The following SOS1 variants were observed in gnomAD, a reference collection of about 807,000 sequenced individuals.
SOS1 encodes the protein son of sevenless homolog 1.
A neutral mutation model predicts 157.6 loss-of-function variants in SOS1; 25 were observed. The observed-to-expected ratio is 0.16, with a 90% CI of 0.12 to 0.22. The LOEUF (loss-of-function observed/expected upper bound fraction) is 0.22. SOS1 is among the 10% of genes least tolerant of loss of function. SOS1 has a pLI of 1.00. For missense variants in SOS1, 1,237 were observed against 1,599.1 expected (o/e 0.77, Z 3.86); for synonymous variants, 528 against 534.0 (o/e 0.99, Z 0.16).
intron 6 of SOS1, among the ~76,000 whole-genome samples, chr2:39,042,997 T>C (rs1350293949): frequency 6.6e-6 from 1 of 152,190 alleles, no homozygotes; most frequent in Non-Finnish European, 1.5e-5. Flanking sequence ...GTCTTGTCTA[T>C]TCCTTTTCTG....
chr2:38,985,877 G>C lies in SOS1; in HGVS notation c.3949C>G (p.Pro1317Ala), dbSNP rs2124454114. ...PKTYKREHTH[P>A]SMHRDGPPLL... ...GGTGGTCCATCTCTGTGCATGGATG[G>C]GTGTGTGTGCTCCCTTTTGTAAGTT... Residue 1317 changes from proline to alanine, a missense_variant, in exon 23 of 23, where the codon CCA becomes GCA. Transcript: ENST00000402219. 2.5e-6 allele frequency: 4 copies of C among 1,613,852 alleles called. No homozygotes were observed. The highest frequency in any genetic ancestry group is 3.4e-6 in the Non-Finnish European group (4 of 1,179,842).
chr2:39,105,867 T>G (rs984980646), intron 1 of SOS1, among the ~76,000 whole-genome samples: 1 of 152,022 alleles, frequency 6.6e-6, no homozygotes, highest in African/African-American at 2.4e-5. Context: ...ACCATTGCAC[T>G]TCAGCCTGGG....
At chr2:39,014,621 A>G (rs935605809) in intron 11 of SOS1, 144 bp downstream of exon 11, 1 of 473,496 alleles carries the variant, frequency 2.1e-6, no homozygotes, top group South Asian at 4.5e-5. Context: ...TATAAAATAA[A>G]TGTTCATCTA....
intron 6 of SOS1, among the ~76,000 whole-genome samples, chr2:39,045,471 A>C (rs1670746667): frequency 6.6e-6 from 1 of 152,126 alleles, no homozygotes; most frequent in African/African-American, 2.4e-5. Context: ...TCAGGTGCAT[A>C]CACATTAATG....
At chr2:39,051,547 G>C (rs182426657) in intron 5 of SOS1, among the ~76,000 whole-genome samples, 1 of 152,178 alleles carries the variant, frequency 6.6e-6, no homozygotes, top group East Asian at 1.9e-4. Flanking sequence ...AAAAATTATT[G>C]AAGATTCTAA....
Position 39,033,221 on chromosome 2 carries a change from GA to G in SOS1, c.1074+1990del, listed in dbSNP as rs11383706. Among the ~76,000 whole-genome samples the G allele has an allele frequency of 9.6e-5, 12 of 124,418 alleles. No homozygotes were observed. In the East Asian group the frequency reaches 1.4e-3, roughly 15 times the overall value. 81.6% of individuals were successfully genotyped at this position (124,418 alleles called of 152,430 possible). On this transcript the variant is annotated intron_variant, in intron 8 of 22. Transcript: ENST00000402219. ...GAGTATCTGGGATTATAGGTGTGCA[GA>G]AAAAAAAAAAAAAAAAGTGATGAGA...
At chr2:39,016,286 C>T (rs1163019356) in intron 10 of SOS1, among the ~76,000 whole-genome samples, 1 of 151,970 alleles carries the variant, frequency 6.6e-6, no homozygotes, top group African/African-American at 2.4e-5. Context: ...TTAAATGTCC[C>T]CTTCTCCGTT....
chr2:38,995,471 G>T, intron 19 of SOS1, 84 bp from the exon 20 acceptor site: 2 of 1,038,016 alleles, frequency 1.9e-6, no homozygotes, highest in Non-Finnish European at 3.0e-6. Context: ...GTAAAATTCA[G>T]CTAATATACA....
intron 1 of SOS1, among the ~76,000 whole-genome samples, chr2:39,115,646 T>C (rs1229504160): frequency 1.3e-5 from 2 of 152,016 alleles, no homozygotes; most frequent in African/African-American, 4.8e-5. Flanking sequence ...TTATGTTGCC[T>C]AGGCTGGCCT....
intron 5 of SOS1, chr2:39,051,494 G>C (rs967900906): frequency 5.7e-6 from 3 of 525,000 alleles, no homozygotes; most frequent in Non-Finnish European, 1.0e-5. Context: ...CTCTAGGTCA[G>C]TGGTCTTGTA....
rs1668556845 is a variant in SOS1 at position 38,986,232 on chromosome 2, T to C, written c.3594A>G (p.Ile1198Met). 2 of 1,613,758 alleles carry C rather than the reference T, an allele frequency of 1.2e-6. No individual in the cohort carries two copies. The highest frequency in any genetic ancestry group is 1.7e-6 in the Non-Finnish European group (2 of 1,179,892). ...TSKAYSPRYS[I>M]SDRTSISDPP... Reference sequence around the variant, plus strand: ...GGTCTGAGATAGAGGTCCGGTCTGATATTGAATATCGTGGTGAATAGGCTT... The same window carrying C: ...GGTCTGAGATAGAGGTCCGGTCTGACATTGAATATCGTGGTGAATAGGCTT... The change falls in exon 23 of 23, where the codon ATA (isoleucine) becomes ATG (methionine). Residue 1198 changes from isoleucine to methionine, a missense_variant. Physicochemically the swap from Ile to Met is conservative, Grantham distance 10. This residue lies in a region of SOS1 where 306 missense variants were observed against 322.6 expected (regional missense o/e 0.95). Coordinates refer to ENST00000402219, the MANE Select transcript of SOS1 (RefSeq NM_005633.4).
chr2:39,065,005 G>C (rs1046340114), intron 2 of SOS1, among the ~76,000 whole-genome samples: 1 of 151,488 alleles, frequency 6.6e-6, no homozygotes, highest in African/African-American at 2.4e-5. Flanking sequence ...TTATCCGCCT[G>C]CTTTGGCCTT....
intron 1 of SOS1, among the ~76,000 whole-genome samples, chr2:39,078,698 G>GT (rs1464530064): frequency 6.6e-6 from 1 of 152,128 alleles, no homozygotes; most frequent in Non-Finnish European, 1.5e-5. Context: ...AGGTGAAAGA[G>GT]TTTTATCCCC....
At chr2:39,093,616 C>T (rs1343639893) in intron 1 of SOS1, among the ~76,000 whole-genome samples, 1 of 152,126 alleles carries the variant, frequency 6.6e-6, no homozygotes, top group African/African-American at 2.4e-5. Context: ...AGCACAGAAG[C>T]CCAGAGACAC....
intron 2 of SOS1, among the ~76,000 whole-genome samples, chr2:39,064,177 T>G (rs990138098): frequency 1.3e-5 from 2 of 152,292 alleles, no homozygotes; most frequent in East Asian, 1.9e-4. Flanking sequence ...AAACTGTACA[T>G]GTATATCATG....
intron 8 of SOS1, among the ~76,000 whole-genome samples, chr2:39,032,718 T>A (rs990417530): frequency 1.3e-5 from 2 of 152,170 alleles, no homozygotes; most frequent in Non-Finnish European, 2.9e-5. Flanking sequence ...CCTAGCACTT[T>A]TGGGAGGCTG....
chr2:39,110,047 T>C lies in SOS1; in HGVS notation c.87+10289A>G, dbSNP rs867354779. Among the ~76,000 whole-genome samples the C allele has an allele frequency of 7.9e-3, 1,169 of 148,748 alleles. 5 individuals carry two copies. The highest frequency in any genetic ancestry group is 0.021 in the South Asian group (96 of 4,620). On this transcript the variant is annotated intron_variant, in intron 1 of 22. Transcript: ENST00000402219. Reference sequence around the variant, plus strand: ...ACAGTTGTGTGTGTGTGCGTGTGTGTGTGTGTGTGTGTGTGTGTGTGTGTG... The same window carrying C: ...ACAGTTGTGTGTGTGTGCGTGTGTGCGTGTGTGTGTGTGTGTGTGTGTGTG...
intron 6 of SOS1, among the ~76,000 whole-genome samples, chr2:39,043,385 CAT>C (rs1458653830): frequency 1.3e-5 from 2 of 152,090 alleles, no homozygotes; most frequent in Non-Finnish European, 2.9e-5. Flanking sequence ...GAGAATGTCT[CAT>C]AGTTTTTTCT....
chr2:39,119,809 G>C (rs1259634916), intron 1 of SOS1, among the ~76,000 whole-genome samples: 4 of 152,172 alleles, frequency 2.6e-5, no homozygotes, highest in African/African-American at 4.8e-5. Flanking sequence ...CCTGTTAATC[G>C]GAGGAGCGGG....
Sources: gnomAD v4.1 joint callset for allele counts (sites outside exome capture counted in the v4.1 genomes callset) on GRCh38, gnomAD v4.1.1 for gene constraint, gnomAD v4.1.1 regional missense constraint, MANE v1.5 for transcripts, NCBI Gene and HGNC (gene_info 2026-07-23, HGNC 2026-07-21) for gene names.